Variants in PLAT observed in about 807,000 individuals in gnomAD.
The protein encoded by PLAT is plasminogen activator, tissue type.
A neutral mutation model predicts 74.9 loss-of-function variants in PLAT; 48 were observed. That is an observed-to-expected ratio of 0.64 (90% CI 0.51 to 0.82). The LOEUF (loss-of-function observed/expected upper bound fraction) is 0.82. Ranked by LOEUF, PLAT falls within the 40% of genes least tolerant of loss-of-function variation. PLAT has a pLI of 0.00. For missense variants in PLAT, 673 were observed against 736.2 expected (o/e 0.91, Z 0.99); for synonymous variants, 307 against 294.4 (o/e 1.04, Z -0.44).
intron 1 of PLAT, among the ~76,000 whole-genome samples, chr8:42,198,819 G>A (rs1160787321): frequency 6.6e-6 from 1 of 152,104 alleles, no homozygotes; most frequent in Non-Finnish European, 1.5e-5. Flanking sequence ...CAGTCTTCAA[G>A]AGTACCAATA....
intron 1 of PLAT, among the ~76,000 whole-genome samples, chr8:42,194,241 A>AGAGAGAGAGT (rs1419569830): frequency 2.5e-4 from 13 of 52,576 alleles, no homozygotes; most frequent in African/African-American, 8.7e-4. Flanking sequence ...AGAGAGAGAG[A>AGAGAGAGAGT]GTGTGTGTGT....
At chr8:42,176,837 C>G (rs927192288) in intron 13 of PLAT, among the ~76,000 whole-genome samples, 1 of 152,120 alleles carries the variant, frequency 6.6e-6, no homozygotes, top group Non-Finnish European at 1.5e-5. Flanking sequence ...TTTTTATTAA[C>G]CTTTCTTAAA....
intron 13 of PLAT, 135 bp from the exon 14 acceptor site, chr8:42,176,286 A>G: frequency 3.0e-6 from 2 of 658,974 alleles, no homozygotes; most frequent in Non-Finnish European, 5.1e-6. Context: ...GTGTCATTTC[A>G]TTATAACTTT....
rs907301069 is a variant in PLAT, at chr8:42,182,650, C to G, written c.803+69G>C. 5 of 1,206,450 alleles carry G rather than the reference C, an allele frequency of 4.1e-6. No individual in the cohort carries two copies. In the Admixed American group the frequency reaches 7.0e-5, roughly 17 times the overall value. The allele number at this position is 1,206,450 out of a possible 1,614,324, so 74.7% of individuals were successfully genotyped here. On this transcript the variant is annotated intron_variant, in intron 8 of 13. Coordinates refer to ENST00000220809, the MANE Select transcript of PLAT (RefSeq NM_000930.5). The stretch of plus-strand genomic sequence containing the variant: ...TGTCATGCAACTTGAGACATTGGAT[C>G]TTCCCCCGTCTCACACCCTAATCCC...
At chr8:42,196,889 C>A in intron 1 of PLAT, among the ~76,000 whole-genome samples, 1 of 149,014 alleles carries the variant, frequency 6.7e-6, no homozygotes. Context: ...AAGGGAGGCA[C>A]AGAAGGATAG....
Position 42,180,235 on chromosome 8 carries a change from C to T in PLAT, c.1222+7G>A, listed in dbSNP as rs745564392. 10 of 1,614,146 alleles carry T rather than the reference C, an allele frequency of 6.2e-6. No homozygotes were observed. Among genetic ancestry groups the T allele is most frequent in the Non-Finnish European group, 8.5e-6 (10 of 1,179,978 alleles). On this transcript the variant is annotated splice_region_variant and intron_variant, in intron 11 of 13. Coordinates refer to ENST00000220809, the MANE Select transcript of PLAT (RefSeq NM_000930.5). ...ATGAACTGGAGCCGGGAATGACGAG[C>T]TCTTACCAATGTCATTGTCGTAAGT...
At chr8:42,181,678 G>A (rs1204986876) in intron 9 of PLAT, among the ~76,000 whole-genome samples, 1 of 152,184 alleles carries the variant, frequency 6.6e-6, no homozygotes, top group East Asian at 1.9e-4. Context: ...AGAGAGAGCC[G>A]GGTAGAGCCT....
chr8:42,203,651 G>T (rs1806215470), intron 1 of PLAT, among the ~76,000 whole-genome samples: 2 of 152,044 alleles, frequency 1.3e-5, no homozygotes, highest in Non-Finnish European at 2.9e-5. Flanking sequence ...AATATTTTTT[G>T]AATATATAAT....
intron 13 of PLAT, among the ~76,000 whole-genome samples, chr8:42,178,406 G>C (rs1017203238): frequency 6.6e-6 from 1 of 152,084 alleles, no homozygotes; most frequent in Non-Finnish European, 1.5e-5. Flanking sequence ...GAGTAGCTGG[G>C]ATTACAGGCA....
At position 42,182,000 on chromosome 8, in the gene PLAT, G is replaced by C. The variant is rs367827951; in HGVS notation, c.826C>G (p.Pro276Ala). 1.1e-5 allele frequency: 17 copies of C among 1,608,320 alleles called. No individual in the cohort carries two copies. The African/African-American group carries it at 1.7e-4, about 16-fold the overall frequency. Residue 276 changes from proline to alanine, a missense_variant, in exon 9 of 14, where the codon CCC (proline) becomes GCC (alanine). Pro to Ala is a conservative substitution (Grantham distance 27). Coordinates refer to ENST00000220809, the MANE Select transcript of PLAT (RefSeq NM_000930.5). ...CGGTTCTTCAGCACGTGGCACCAGGGCTTGGCATCCCCATCAGGATTCCTA... is the reference window on the plus strand; with the variant it reads ...CGGTTCTTCAGCACGTGGCACCAGGCCTTGGCATCCCCATCAGGATTCCTA... ...YCRNPDGDAK[P>A]WCHVLKNRRL... is the part of the protein sequence containing the mutation.
Position 42,187,490 on chromosome 8 carries a change from G to A in PLAT, c.447C>T (p.Thr149=). 6.2e-7 allele frequency: 1 copy of A among 1,610,872 alleles called. No homozygotes were observed. Among genetic ancestry groups the A allele is most frequent in the Non-Finnish European group, 8.5e-7 (1 of 1,179,822 alleles). ...WSTAESGAEC[T]NWNSSALAQK... is the part of the protein sequence containing the mutation. ...GGGCCAACGCGCTGCTGTTCCAGTT[G>A]GTGCACTCGGCGCCACTCTCCGCTG... The change falls in exon 6 of 14, where the codon ACC becomes ACT. Residue 149 remains threonine (T), a synonymous_variant. Coordinates refer to ENST00000220809, the MANE Select transcript of PLAT (RefSeq NM_000930.5).
chr8:42,203,430 G>A (rs1806209525), intron 1 of PLAT, among the ~76,000 whole-genome samples: 1 of 152,186 alleles, frequency 6.6e-6, no homozygotes, highest in Non-Finnish European at 1.5e-5. Context: ...TGTATAGGAA[G>A]AACAGCTGGC....
Position 42,202,909 on chromosome 8 carries a change from A to G in PLAT, c.-27+4585T>C, listed in dbSNP as rs532267076. On this transcript the variant is annotated intron_variant, in intron 1 of 13. Transcript: ENST00000220809. The stretch of plus-strand genomic sequence containing the variant: ...GACAGTGAAGGGGTCTGCTCCAGAC[A>G]GAGCACATCCCCACGGCTTGGCTCT... Among the ~76,000 whole-genome samples, 311 of 152,304 alleles carry G rather than the reference A, an allele frequency of 2.0e-3. 1 individual carries two copies. The highest frequency in any genetic ancestry group is 2.1e-3 in the Non-Finnish European group (146 of 68,020).
chr8:42,199,435 C>T (rs1806043142), intron 1 of PLAT, among the ~76,000 whole-genome samples: 1 of 152,208 alleles, frequency 6.6e-6, no homozygotes, highest in South Asian at 2.1e-4. Context: ...AGCAAGACCC[C>T]ATGTCTTCAA....
At chr8:42,178,826 T>C (rs1805082419) in intron 13 of PLAT, 71 bp downstream of exon 13, 1 of 1,439,896 alleles carries the variant, frequency 6.9e-7, no homozygotes, top group Non-Finnish European at 9.5e-7. Flanking sequence ...TTTTCTTTGG[T>C]GAAGAACCTG....
Position 42,193,133 on chromosome 8 carries a change from A to G in PLAT, c.53T>C (p.Val18Ala), listed in dbSNP as rs745384030. The part of the protein sequence containing the change: ...LCCVLLLCGA[V>A]FVSPSQEIHA... ...ACCAACCTGGCTGGGCGAAACGAAG[A>G]CTGCTCCACACAGCAGCAGCACACA... The change falls in exon 2 of 14, where the codon GTC becomes GCC. Residue 18 changes from valine (V) to alanine (A), a missense_variant. Val to Ala is a moderately conservative substitution (Grantham distance 64). Coordinates refer to ENST00000220809, the MANE Select transcript of PLAT (RefSeq NM_000930.5). 31 of 1,613,136 alleles carry G rather than the reference A, an allele frequency of 1.9e-5. No individual in the cohort carries two copies. In the Admixed American group the frequency reaches 3.0e-4, roughly 16 times the overall value.
intron 13 of PLAT, among the ~76,000 whole-genome samples, chr8:42,178,226 T>TC (rs1423865815): frequency 6.6e-6 from 1 of 151,488 alleles, no homozygotes; most frequent in Non-Finnish European, 1.5e-5. Context: ...CAAAGCAGAC[T>TC]CCAATTCTCT....
rs373212631 is a variant in PLAT at position 42,187,887 on chromosome 8, C to T, written c.364+19G>A. ...AGAGGTGGGATTTCAGCTCGTTTCACGTGCTCTCACCTACTCACCTATTTC... is the reference window on the plus strand; with the variant it reads ...AGAGGTGGGATTTCAGCTCGTTTCATGTGCTCTCACCTACTCACCTATTTC... On this transcript the variant is annotated intron_variant, in intron 5 of 13. Coordinates refer to ENST00000220809, the MANE Select transcript of PLAT (RefSeq NM_000930.5). 199 of 1,472,060 alleles carry T rather than the reference C, an allele frequency of 1.4e-4. 1 individual carries two copies. The highest frequency in any genetic ancestry group is 3.4e-4 in the Middle Eastern group (2 of 5,798). 91.2% of individuals were successfully genotyped at this position (1,472,060 alleles called of 1,614,324 possible).
At chr8:42,187,113 ATC>A in intron 6 of PLAT, 1 of 248,150 alleles carries the variant, frequency 4.0e-6, no homozygotes, top group East Asian at 6.8e-5. Context: ...TCAATCTATC[ATC>A]TATCTATCAC....
Sources: gnomAD v4.1 joint callset for allele counts (sites outside exome capture counted in the v4.1 genomes callset) on GRCh38, gnomAD v4.1.1 for gene constraint, MANE v1.5 for transcripts, NCBI Gene and HGNC (gene_info 2026-07-23, HGNC 2026-07-21) for gene names.